The following KIF13A variants were observed in gnomAD, a reference collection of about 807,000 sequenced individuals.
KIF13A encodes kinesin-like protein KIF13A.
KIF13A carries 79 observed loss-of-function variants against 212.2 expected under a neutral mutation model. The observed-to-expected ratio is 0.37, with a 90% CI of 0.31 to 0.45. The LOEUF (loss-of-function observed/expected upper bound fraction) is 0.45, where lower values mean the gene tolerates loss of function less well. KIF13A is among the 20% of genes least tolerant of loss of function. KIF13A has a pLI of 1.00. For missense variants in KIF13A, 1,901 were observed against 2,209.0 expected (o/e 0.86, Z 2.79); for synonymous variants, 789 against 808.6 (o/e 0.98, Z 0.41).
chr6:17,874,977 CCA>C (rs879821124), intron 3 of KIF13A, among the ~76,000 whole-genome samples: 41 of 90,704 alleles, frequency 4.5e-4, no homozygotes, highest in African/African-American at 1.4e-3. Context: ...TAGTATTCCA[CCA>C]CACACACACA....
intron 3 of KIF13A, among the ~76,000 whole-genome samples, chr6:17,878,811 C>G (rs1035956982): frequency 3.1e-4 from 47 of 152,098 alleles, no homozygotes; most frequent in African/African-American, 1.1e-3. Context: ...TAAGCATTTG[C>G]CCCCTAGAAT....
chr6:17,874,581 T>C (rs1770332341), intron 3 of KIF13A, among the ~76,000 whole-genome samples: 2 of 152,004 alleles, frequency 1.3e-5, no homozygotes, highest in Non-Finnish European at 2.9e-5. Flanking sequence ...GGACTACAGG[T>C]GCTCGCCACC....
intron 2 of KIF13A, among the ~76,000 whole-genome samples, chr6:17,962,563 G>T (rs1430054256): frequency 6.6e-6 from 1 of 152,078 alleles, no homozygotes; most frequent in African/African-American, 2.4e-5. Context: ...AAGAGGGTGG[G>T]GCAGGACACA....
intron 2 of KIF13A, among the ~76,000 whole-genome samples, chr6:17,932,232 T>C (rs1308873084): frequency 6.6e-6 from 1 of 152,168 alleles, no homozygotes; most frequent in Non-Finnish European, 1.5e-5. Context: ...AAATTTTACA[T>C]CCATATTTGG....
rs1762279901 is a variant in KIF13A, at chr6:17,799,157, C to T, written c.2790+109G>A. Reference sequence around the variant, plus strand: ...AGGTACATTTTTGAGGTTAAAACATCTAATAAACATATTATACTTAAAACA... The same window carrying T: ...AGGTACATTTTTGAGGTTAAAACATTTAATAAACATATTATACTTAAAACA... On this transcript the variant is annotated intron_variant, in intron 22 of 38. Coordinates refer to ENST00000259711, the MANE Select transcript of KIF13A (RefSeq NM_022113.6). The surrounding 1 kb of genome is among the most constrained non-coding windows in gnomAD (Gnocchi z 4.4). The T allele has an allele frequency of 6.3e-6, 4 of 637,460 alleles. No homozygotes were observed. Among genetic ancestry groups the T allele is most frequent in the Non-Finnish European group, 7.1e-6 (3 of 421,692 alleles). The allele number at this position is 637,460 out of a possible 1,614,324, so 39.5% of individuals were successfully genotyped here.
At chr6:17,929,082 A>AG (rs1213946361) in intron 2 of KIF13A, among the ~76,000 whole-genome samples, 1 of 151,642 alleles carries the variant, frequency 6.6e-6, no homozygotes. Context: ...AAAAAAAAAA[A>AG]ACAAAGGAGC....
intron 2 of KIF13A, among the ~76,000 whole-genome samples, chr6:17,925,633 A>G (rs1021146220): frequency 2.0e-5 from 3 of 152,210 alleles, no homozygotes; most frequent in African/African-American, 7.2e-5. Context: ...AACACAAACA[A>G]CAGTCCGTGG....
chr6:17,861,962 C>T (rs1201683035), intron 4 of KIF13A, among the ~76,000 whole-genome samples: 1 of 152,068 alleles, frequency 6.6e-6, no homozygotes, highest in Admixed American at 6.6e-5. Context: ...CCTTTTTCAC[C>T]CCCAAATTAT....
chr6:17,775,161 T>A, intron 34 of KIF13A, 99 bp from the exon 35 acceptor site: 1 of 860,724 alleles, frequency 1.2e-6, no homozygotes, highest in East Asian at 2.8e-5. Flanking sequence ...AAGCCTGCAG[T>A]CTTCATTCTT....
At chr6:17,944,358 C>T (rs1777205951) in intron 2 of KIF13A, among the ~76,000 whole-genome samples, 2 of 152,132 alleles carry the variant, frequency 1.3e-5, no homozygotes, top group Non-Finnish European at 2.9e-5. Context: ...CAGTATGCCC[C>T]AAATCCATTT....
chr6:17,925,979 A>T (rs1775465604), intron 2 of KIF13A, among the ~76,000 whole-genome samples: 1 of 152,176 alleles, frequency 6.6e-6, no homozygotes, highest in Non-Finnish European at 1.5e-5. Flanking sequence ...CCTGCCCCTA[A>T]CCCAACTCTT....
At chr6:17,913,231 G>C (rs1454972384) in intron 2 of KIF13A, among the ~76,000 whole-genome samples, 1 of 152,036 alleles carries the variant, frequency 6.6e-6, no homozygotes, top group African/African-American at 2.4e-5. Context: ...GAGGAGCAGG[G>C]AGCTGGAATG....
Position 17,816,462 on chromosome 6 carries a change from G to A in KIF13A, c.2000+558C>T, listed in dbSNP as rs903608606. ...AAGCGATCCTCCCAGTGACCTTATA[G>A]GCATGCACCACCACGCCTGGGTAAT... On this transcript the variant is annotated intron_variant, in intron 17 of 38. Coordinates refer to ENST00000259711, the MANE Select transcript of KIF13A (RefSeq NM_022113.6). This position sits in a 1 kb window ranked among gnomAD's most constrained non-coding sequence, Gnocchi z 4.3. 5.3e-5 allele frequency among the ~76,000 whole-genome samples: 8 copies of A among 152,060 alleles called. No individual in the cohort carries two copies. Among genetic ancestry groups the A allele is most frequent in the Non-Finnish European group, 1.5e-5 (1 of 68,008 alleles).
At chr6:17,981,399 TTAC>T (rs1781063025) in intron 2 of KIF13A, among the ~76,000 whole-genome samples, 1 of 151,830 alleles carries the variant, frequency 6.6e-6, no homozygotes. Context: ...TGCATTATAA[TTAC>T]TTTTAGTTTT....
chr6:17,892,526 T>G lies in KIF13A; in HGVS notation c.159+5642A>C, dbSNP rs1436619813. Among the ~76,000 whole-genome samples, 1 of 152,188 alleles carries G rather than the reference T, an allele frequency of 6.6e-6. No individual in the cohort carries two copies. The highest frequency in any genetic ancestry group is 2.4e-5 in the African/African-American group (1 of 41,444). On this transcript the variant is annotated intron_variant, in intron 3 of 38. Transcript: ENST00000259711. The surrounding 1 kb of genome is among the most constrained non-coding windows in gnomAD (Gnocchi z 4.7). Reference sequence around the variant, plus strand: ...GATAAGAGTGTCTTTTGTATGCTAATGAGATGACTGGTGGCTGGGGTCCCC... The same window carrying G: ...GATAAGAGTGTCTTTTGTATGCTAAGGAGATGACTGGTGGCTGGGGTCCCC...
At chr6:17,865,755 G>A (rs1769303409) in intron 4 of KIF13A, among the ~76,000 whole-genome samples, 1 of 152,156 alleles carries the variant, frequency 6.6e-6, no homozygotes, top group Admixed American at 6.5e-5. Context: ...GTCTACCATT[G>A]AGGTGCCTGG....
chr6:17,983,400 G>C (rs1406848716), intron 2 of KIF13A, among the ~76,000 whole-genome samples: 1 of 151,602 alleles, frequency 6.6e-6, no homozygotes, highest in Non-Finnish European at 1.5e-5. Context: ...ACCCTTTTTA[G>C]CAAGTTAGGG....
Position 17,787,943 on chromosome 6 carries a change from T to C in KIF13A, c.3262-68A>G. The C allele has an allele frequency of 2.2e-6, 2 of 907,604 alleles. No homozygotes were observed. Among genetic ancestry groups the C allele is most frequent in the Non-Finnish European group, 3.6e-6 (2 of 560,650 alleles). 56.2% of individuals were successfully genotyped at this position (907,604 alleles called of 1,614,324 possible). ...ACAACGATTTCTTTCTTTCTTTTTT[T>C]AAAAGATGTTTAAATCAACTAGGAA... On this transcript the variant is annotated intron_variant, in intron 26 of 38. Coordinates refer to ENST00000259711, the MANE Select transcript of KIF13A (RefSeq NM_022113.6). The surrounding 1 kb of genome is among the most constrained non-coding windows in gnomAD (Gnocchi z 4.6).
intron 2 of KIF13A, among the ~76,000 whole-genome samples, chr6:17,974,006 C>T (rs1780049641): frequency 6.6e-6 from 1 of 152,228 alleles, no homozygotes. Flanking sequence ...TAATGTAATT[C>T]AAGTAAAAAC....
Sources: allele counts gnomAD v4.1 joint callset (sites outside exome capture counted in the v4.1 genomes callset), GRCh38; gene constraint gnomAD v4.1.1; non-coding constraint Gnocchi (gnomAD v3.1); transcripts MANE v1.5; gene names NCBI Gene and HGNC (gene_info 2026-07-23, HGNC 2026-07-21).